PGCKA1: variants seen among roughly 807,000 people sequenced by gnomAD.
PGCKA1 encodes PDCD10 and GCKIII kinases-associated protein 1.
the PGCKA1 span, among the ~76,000 whole-genome samples, chr4:37,466,806 A>G: frequency 5.9e-5 from 9 of 152,306 alleles, no homozygotes; most frequent in South Asian, 1.9e-3. Flanking sequence ...ATCAACATAT[A>G]CAATATGTAG....
chr4:37,455,111 A>G, the PGCKA1 span, among the ~76,000 whole-genome samples: 2 of 152,168 alleles, frequency 1.3e-5, no homozygotes, highest in Admixed American at 6.5e-5. Context: ...AAAAGAAGAG[A>G]AGCATTTGAG....
the PGCKA1 span, among the ~76,000 whole-genome samples, chr4:37,461,393 A>G: frequency 2.6e-5 from 4 of 152,040 alleles, no homozygotes. Flanking sequence ...CATTGAATCT[A>G]TAAATTACTT....
chr4:37,516,691 G>A, the PGCKA1 span, among the ~76,000 whole-genome samples: 10 of 152,144 alleles, frequency 6.6e-5, no homozygotes, highest in South Asian at 2.1e-4. Flanking sequence ...CTTGTGACAC[G>A]CTGCAGTAAA....
chr4:37,586,569 A>C, the PGCKA1 span, among the ~76,000 whole-genome samples: 3 of 152,270 alleles, frequency 2.0e-5, no homozygotes, highest in African/African-American at 7.2e-5. Flanking sequence ...GGATGTTACT[A>C]GTTTTCTGTG....
the PGCKA1 span, among the ~76,000 whole-genome samples, chr4:37,570,447 A>G: frequency 6.6e-6 from 1 of 151,380 alleles, no homozygotes; most frequent in African/African-American, 2.4e-5. Context: ...AAAAAAAAAA[A>G]AGATTGAGCT....
chr4:37,505,288 T>C, the PGCKA1 span, among the ~76,000 whole-genome samples: 2 of 152,246 alleles, frequency 1.3e-5, no homozygotes, highest in Non-Finnish European at 2.9e-5. Flanking sequence ...AAGAATGATC[T>C]TTTTAATGTG....
chr4:37,468,218 G>A, the PGCKA1 span, among the ~76,000 whole-genome samples: 1 of 152,192 alleles, frequency 6.6e-6, no homozygotes, highest in Non-Finnish European at 1.5e-5. Context: ...TTCACACAGT[G>A]TGTCTCAGGG....
the PGCKA1 span, among the ~76,000 whole-genome samples, chr4:37,526,741 G>A: frequency 3.3e-4 from 50 of 152,288 alleles, 1 homozygote; most frequent in East Asian, 1.5e-3. Context: ...TCTTATAAGA[G>A]TATAGCACAT....
chr4:37,481,639 T>C, the PGCKA1 span, among the ~76,000 whole-genome samples: 1 of 152,168 alleles, frequency 6.6e-6, no homozygotes, highest in East Asian at 1.9e-4. Context: ...TAATCTCCTC[T>C]TTTTATAAAG....
At chr4:37,558,522 A>C in the PGCKA1 span, among the ~76,000 whole-genome samples, 3 of 152,076 alleles carry the variant, frequency 2.0e-5, no homozygotes, top group Non-Finnish European at 4.4e-5. Context: ...ACCATTCAGG[A>C]CATAGGTATG....
the PGCKA1 span, among the ~76,000 whole-genome samples, chr4:37,458,797 G>A: frequency 6.6e-6 from 1 of 152,172 alleles, no homozygotes; most frequent in Non-Finnish European, 1.5e-5. Context: ...GAACTGCAAC[G>A]TTACATTAGA....
chr4:37,480,430 T>C, the PGCKA1 span, among the ~76,000 whole-genome samples: 3 of 152,312 alleles, frequency 2.0e-5, no homozygotes, highest in Admixed American at 2.0e-4. Context: ...GAGGCGGAGA[T>C]TGCAGTCAGC....
chr4:37,558,667 A>C, the PGCKA1 span, among the ~76,000 whole-genome samples: 1 of 147,374 alleles, frequency 6.8e-6, no homozygotes, highest in Non-Finnish European at 1.5e-5. Flanking sequence ...AACCTACAAA[A>C]TGGGAGAAAA....
the PGCKA1 span, among the ~76,000 whole-genome samples, chr4:37,541,782 T>G: frequency 1.3e-5 from 2 of 152,030 alleles, no homozygotes; most frequent in Non-Finnish European, 2.9e-5. Flanking sequence ...TGTGCTGAAC[T>G]CCTATTAACC....
chr4:37,571,649 TGCCTCA>T, the PGCKA1 span, among the ~76,000 whole-genome samples: 4 of 152,132 alleles, frequency 2.6e-5, no homozygotes, highest in Admixed American at 2.0e-4. Context: ...ACCATTCTCC[TGCCTCA>T]GCCTCCCAAG....
chr4:37,470,615 G>A, the PGCKA1 span, among the ~76,000 whole-genome samples: 2 of 152,094 alleles, frequency 1.3e-5, no homozygotes, highest in African/African-American at 4.8e-5. Flanking sequence ...TCTGAAAGTC[G>A]GGTTTAAGAG....
At chr4:37,570,233 T>C in the PGCKA1 span, among the ~76,000 whole-genome samples, 140,779 of 144,986 alleles carry the variant, frequency 0.97, 68,434 homozygotes, top group Non-Finnish European at 1. Flanking sequence ...CTCCTGACCT[T>C]TTGAGCCGCC....
the PGCKA1 span, among the ~76,000 whole-genome samples, chr4:37,563,264 T>C: frequency 9.2e-5 from 14 of 152,194 alleles, no homozygotes; most frequent in Non-Finnish European, 1.0e-4. Flanking sequence ...ATTTATTTTC[T>C]CAGAGTCCTG....
the PGCKA1 span, among the ~76,000 whole-genome samples, chr4:37,487,684 T>TTTTTAAAAATTAGA: frequency 6.4e-3 from 970 of 152,290 alleles, 23 homozygotes; most frequent in East Asian, 0.074. Context: ...ACTGTTCTAA[T>TTTTTAAAAATTAGA]TTTTAAAAAT....
Sources: gnomAD v4.1 joint callset for allele counts (sites outside exome capture counted in the v4.1 genomes callset) on GRCh38, gnomAD v4.1.1 for gene constraint, MANE v1.5 for transcripts, NCBI Gene and HGNC (gene_info 2026-07-23, HGNC 2026-07-21) for gene names.